Variants in TM7SF3 observed in about 807,000 individuals in gnomAD.
The protein encoded by TM7SF3 is transmembrane 7 superfamily member 3, also known as seven span transmembrane protein.
In TM7SF3, 60 loss-of-function variants were observed where a neutral mutation model predicts 65.5. The observed-to-expected ratio is 0.92, with a 90% CI of 0.74 to 1.14. The LOEUF (loss-of-function observed/expected upper bound fraction) is 1.14, where lower values mean the gene tolerates loss of function less well. TM7SF3 is among the 50% of genes most tolerant of loss of function. The pLI is 0.00. For missense variants in TM7SF3, 623 were observed against 684.8 expected (o/e 0.91, Z 1.01); for synonymous variants, 264 against 259.6 (o/e 1.02, Z -0.16).
At chr12:26,995,176 C>T in intron 5 of TM7SF3, 61 bp downstream of exon 5, 1 of 1,528,472 alleles carries the variant, frequency 6.5e-7, no homozygotes, top group Non-Finnish European at 8.9e-7. Context: ...AGCTTCTCCC[C>T]TTCTCAACTC....
At chr12:26,985,235 G>A (rs1228891485) in intron 6 of TM7SF3, among the ~76,000 whole-genome samples, 1 of 152,112 alleles carries the variant, frequency 6.6e-6, no homozygotes, top group Non-Finnish European at 1.5e-5. Flanking sequence ...AGTGGCTCAC[G>A]CCTGTAATCC....
At chr12:26,990,903 G>T (rs550549890) in intron 5 of TM7SF3, among the ~76,000 whole-genome samples, 1 of 152,164 alleles carries the variant, frequency 6.6e-6, no homozygotes, top group Non-Finnish European at 1.5e-5. Context: ...TTACGACCAT[G>T]AAAAAAGTTT....
chr12:27,008,165 A>C (rs1373493286), intron 1 of TM7SF3, among the ~76,000 whole-genome samples: 1 of 151,846 alleles, frequency 6.6e-6, no homozygotes, highest in Non-Finnish European at 1.5e-5. Context: ...TACCGCATCA[A>C]CTTACTGTAG....
At chr12:26,982,716 C>A in intron 7 of TM7SF3, 57 bp downstream of exon 7, 1 of 1,260,970 alleles carries the variant, frequency 7.9e-7, no homozygotes, top group South Asian at 1.4e-5. Context: ...CAGGTCATTC[C>A]CCAGCAACAC....
chr12:27,012,639 C>T, intron 1 of TM7SF3: 2 of 455,986 alleles, frequency 4.4e-6, no homozygotes, highest in South Asian at 1.5e-5. Context: ...TTGCCCAAAC[C>T]CATTCACCAA....
chr12:26,991,435 A>T (rs1000278868), intron 5 of TM7SF3, among the ~76,000 whole-genome samples: 2 of 151,788 alleles, frequency 1.3e-5, no homozygotes, highest in Admixed American at 6.6e-5. Flanking sequence ...TACAGGCGTG[A>T]GCCACCGCGC....
At chr12:26,974,745 T>C (rs1289239352) in intron 11 of TM7SF3, among the ~76,000 whole-genome samples, 2 of 152,144 alleles carry the variant, frequency 1.3e-5, no homozygotes, top group African/African-American at 4.8e-5. Flanking sequence ...GGCAAAACAC[T>C]GTCTGGTACT....
chr12:27,000,162 C>T (rs1940771983), intron 2 of TM7SF3, among the ~76,000 whole-genome samples: 2 of 152,122 alleles, frequency 1.3e-5, no homozygotes, highest in Admixed American at 1.3e-4. Context: ...TAATCACTTC[C>T]CAAAGACTCC....
intron 5 of TM7SF3, among the ~76,000 whole-genome samples, chr12:26,993,980 T>G (rs1042096867): frequency 6.6e-6 from 1 of 152,218 alleles, no homozygotes; most frequent in African/African-American, 2.4e-5. Context: ...AATTTGGCAG[T>G]GCAAGCCCCT....
chr12:27,003,254 T>C lies in TM7SF3; in HGVS notation c.228A>G (p.Thr76=), dbSNP rs1420181415. The change falls in exon 2 of 12, where the codon ACA becomes ACG. Residue 76 remains threonine (T), a synonymous_variant. Transcript: ENST00000343028. ...CACTTACCGGAGAAAAGGAAACAGTTGTATTCTGATACTGTGAGTGTATTT... is the reference window on the plus strand; with the variant it reads ...CACTTACCGGAGAAAAGGAAACAGTCGTATTCTGATACTGTGAGTGTATTT... ...IFQIHSQYQN[T]TVSFSPTLLS... The C allele has an allele frequency of 6.2e-7, 1 of 1,611,040 alleles. No homozygotes were observed.
At chr12:26,996,293 A>T (rs1940593928) in intron 4 of TM7SF3, among the ~76,000 whole-genome samples, 1 of 152,256 alleles carries the variant, frequency 6.6e-6, no homozygotes, top group African/African-American at 2.4e-5. Flanking sequence ...TAAATGGCAA[A>T]GAACATAACA....
Position 27,014,155 on chromosome 12 carries a change from T to C in TM7SF3, c.14A>G (p.Gln5Arg), listed in dbSNP as rs1200621188. Residue 5 changes from glutamine to arginine, a missense_variant, in exon 1 of 12, where the codon CAG becomes CGG. Coordinates refer to ENST00000343028, the MANE Select transcript of TM7SF3 (RefSeq NM_016551.3). ...TGCCAGCACCGCTACGACCAGCAGC[T>C]GCAGGAACCCCATTGCTGCCTGGGC... Reference protein sequence around the residue: MGFLQLLVVAVLASE... With the variant: MGFLRLLVVAVLASE... 4 of 1,562,830 alleles carry C rather than the reference T, an allele frequency of 2.6e-6. No homozygotes were observed. Among genetic ancestry groups the C allele is most frequent in the Middle Eastern group, 1.7e-4 (1 of 6,026 alleles).
chr12:26,988,161 A>G (rs1940182473), intron 6 of TM7SF3, among the ~76,000 whole-genome samples: 1 of 151,978 alleles, frequency 6.6e-6, no homozygotes, highest in African/African-American at 2.4e-5. Context: ...GGACAGGGGA[A>G]AAAAAAATTT....
intron 1 of TM7SF3, chr12:27,013,009 A>T (rs534004855): frequency 4.2e-6 from 1 of 235,424 alleles, no homozygotes; most frequent in African/African-American, 2.4e-5. Flanking sequence ...AAAAAAAAAA[A>T]AAAAAGTCAC....
In TM7SF3 at chr12:26,975,626, G is replaced by C; in HGVS notation, c.1320C>G (p.Ser440=). Residue 440 remains serine (S), a synonymous_variant, in exon 11 of 12, where the codon TCC becomes TCG. Coordinates refer to ENST00000343028, the MANE Select transcript of TM7SF3 (RefSeq NM_016551.3). ...LNILTCGVIG[S]YSVVLAIDSY... ...TGTCAATGGCTAAAACCACCGAATA[G>C]GAGCCAATGACTCCACAAGTCAGTA... 1.2e-6 allele frequency: 2 copies of C among 1,613,780 alleles called. No homozygotes were observed. The highest frequency in any genetic ancestry group is 1.7e-6 in the Non-Finnish European group (2 of 1,179,948).
At chr12:27,012,358 G>C (rs74674423) in intron 1 of TM7SF3, among the ~76,000 whole-genome samples, 16,227 of 151,950 alleles carry the variant, frequency 0.11, 1,064 homozygotes, top group Non-Finnish European at 0.15. Flanking sequence ...TTATAAGCAA[G>C]GTTTTTCTGC....
At chr12:26,999,344 C>T (rs867070784) in intron 3 of TM7SF3, among the ~76,000 whole-genome samples, 182 bp downstream of exon 3, 20 of 151,538 alleles carry the variant, frequency 1.3e-4, no homozygotes, top group South Asian at 2.1e-4. Context: ...TGCAGTGAGC[C>T]GAGATCGCGC....
intron 1 of TM7SF3, among the ~76,000 whole-genome samples, chr12:27,008,545 T>C (rs1592318728): frequency 6.6e-6 from 1 of 152,158 alleles, no homozygotes; most frequent in East Asian, 1.9e-4. Flanking sequence ...GGTTTTTCCT[T>C]TATGATTAGT....
intron 6 of TM7SF3, among the ~76,000 whole-genome samples, chr12:26,989,729 G>C (rs1940263265): frequency 6.6e-6 from 1 of 151,728 alleles, no homozygotes; most frequent in Admixed American, 6.6e-5. Flanking sequence ...ACCTAACCTA[G>C]TTATCTCTCC....
Sources: allele counts gnomAD v4.1 joint callset (sites outside exome capture counted in the v4.1 genomes callset), GRCh38; gene constraint gnomAD v4.1.1; transcripts MANE v1.5; gene names NCBI Gene and HGNC (gene_info 2026-07-23, HGNC 2026-07-21).